The following AGBL4 variants were observed in gnomAD, a reference collection of about 807,000 sequenced individuals.
AGBL4 encodes cytosolic carboxypeptidase 6.
Under a neutral mutation model 66.4 loss-of-function variants are expected in AGBL4, and 58 were observed. That is an observed-to-expected ratio of 0.87 (90% CI 0.71 to 1.09). The LOEUF (loss-of-function observed/expected upper bound fraction) is 1.09. Ranked by LOEUF, AGBL4 falls within the 50% of genes least tolerant of loss-of-function variation. The probability of loss-of-function intolerance (pLI) is 0.00; values close to 1 mark genes in which losing one functional copy is unlikely to be tolerated. For synonymous variants in AGBL4, 234 were observed against 222.9 expected, an observed-to-expected ratio of 1.05 and a Z score of -0.44; for missense variants, 579 against 631.0, an observed-to-expected ratio of 0.92 and a Z score of 0.88.
chr1:49,521,879 G>A (rs1650290894), intron 3 of AGBL4, among the ~76,000 whole-genome samples: 1 of 150,418 alleles, frequency 6.6e-6, no homozygotes. Context: ...ACAACCCATA[G>A]AATGAGAACA....
intron 4 of AGBL4, chr1:49,174,884 T>C (rs976251930): frequency 6.6e-6 from 1 of 151,954 alleles, no homozygotes; most frequent in East Asian, 1.9e-4. Flanking sequence ...ACCATGCCCA[T>C]TAACTGAGGA....
chr1:49,305,786 G>A (rs1644838659), intron 3 of AGBL4, among the ~76,000 whole-genome samples: 2 of 151,940 alleles, frequency 1.3e-5, no homozygotes, highest in African/African-American at 2.4e-5. Context: ...CACCTCCTGG[G>A]TTCAAGCAAT....
At chr1:49,558,399 G>A (rs1571031015) in intron 3 of AGBL4, among the ~76,000 whole-genome samples, 2 of 152,130 alleles carry the variant, frequency 1.3e-5, no homozygotes, top group Non-Finnish European at 2.9e-5. Context: ...CTGGAGTGCA[G>A]TGGTGCGATC....
chr1:49,367,370 C>T (rs1644259653), intron 3 of AGBL4, among the ~76,000 whole-genome samples: 1 of 152,210 alleles, frequency 6.6e-6, no homozygotes, highest in African/African-American at 2.4e-5. Flanking sequence ...TCCCCTCTCT[C>T]TTGCTCCCTC....
intron 5 of AGBL4, among the ~76,000 whole-genome samples, chr1:49,005,695 G>A (rs1190665703): frequency 6.6e-6 from 1 of 152,110 alleles, no homozygotes; most frequent in Non-Finnish European, 1.5e-5. Context: ...ATAGGATTTT[G>A]TACTATCTAT....
At chr1:49,481,063 C>A (rs1432254928) in intron 3 of AGBL4, among the ~76,000 whole-genome samples, 1 of 151,892 alleles carries the variant, frequency 6.6e-6, no homozygotes, top group African/African-American at 2.4e-5. Flanking sequence ...AGGCAGGTAG[C>A]GTGATGCCTC....
chr1:49,045,345 T>C (rs971000627), intron 5 of AGBL4, among the ~76,000 whole-genome samples: 3 of 152,220 alleles, frequency 2.0e-5, no homozygotes, highest in African/African-American at 7.2e-5. Flanking sequence ...CTGTCTCATA[T>C]CTTATTCTGT....
chr1:49,525,867 C>T (rs1650616166), intron 3 of AGBL4, among the ~76,000 whole-genome samples: 1 of 151,836 alleles, frequency 6.6e-6, no homozygotes, highest in African/African-American at 2.4e-5. Context: ...GCGGGTGGGT[C>T]AGGAGGTCAG....
intron 1 of AGBL4, among the ~76,000 whole-genome samples, chr1:49,900,621 T>C (rs1458040739): frequency 6.6e-6 from 1 of 152,162 alleles, no homozygotes; most frequent in East Asian, 1.9e-4. Context: ...ATACCTGAGA[T>C]GAAGCAAATA....
chr1:48,872,842 C>T (rs1648820157), intron 5 of AGBL4, among the ~76,000 whole-genome samples: 1 of 152,126 alleles, frequency 6.6e-6, no homozygotes, highest in Non-Finnish European at 1.5e-5. Flanking sequence ...CGCCAACCCC[C>T]AGGGGCCTAA....
At chr1:49,529,445 C>T (rs1650923276) in intron 3 of AGBL4, among the ~76,000 whole-genome samples, 4 of 151,954 alleles carry the variant, frequency 2.6e-5, no homozygotes, top group South Asian at 4.1e-4. Context: ...TTTGGGAGGC[C>T]GAGCAGGCAG....
intron 4 of AGBL4, among the ~76,000 whole-genome samples, chr1:49,105,719 A>G (rs1645280387): frequency 6.6e-6 from 1 of 152,162 alleles, no homozygotes; most frequent in East Asian, 1.9e-4. Flanking sequence ...TTATCTGCAA[A>G]ATGAAGTAAT....
intron 3 of AGBL4, among the ~76,000 whole-genome samples, chr1:49,308,923 T>C (rs534912125): frequency 6.6e-6 from 1 of 152,288 alleles, no homozygotes; most frequent in South Asian, 2.1e-4. Flanking sequence ...ACAGATTGCA[T>C]CCAGGTTATA....
chr1:48,550,406 C>T (rs1181086188), intron 11 of AGBL4, among the ~76,000 whole-genome samples: 2 of 152,062 alleles, frequency 1.3e-5, no homozygotes, highest in Admixed American at 1.3e-4. Flanking sequence ...CATCTCTGCC[C>T]CCATGGTCAC....
At chr1:48,755,951 G>A (rs1403213683) in intron 6 of AGBL4, among the ~76,000 whole-genome samples, 1 of 152,204 alleles carries the variant, frequency 6.6e-6, no homozygotes, top group Non-Finnish European at 1.5e-5. Flanking sequence ...AGGCAGAGAA[G>A]TTAGTTAACC....
At chr1:49,607,539 T>C (rs1338628256) in intron 3 of AGBL4, among the ~76,000 whole-genome samples, 1 of 152,160 alleles carries the variant, frequency 6.6e-6, no homozygotes, top group African/African-American at 2.4e-5. Context: ...ATTGGAGGTT[T>C]GCCTCTTCTA....
At chr1:49,018,298 C>T (rs1018367544) in intron 5 of AGBL4, among the ~76,000 whole-genome samples, 1 of 152,118 alleles carries the variant, frequency 6.6e-6, no homozygotes, top group Non-Finnish European at 1.5e-5. Context: ...CACATCCTTA[C>T]ATACCAGTGG....
chr1:49,779,807 C>A (rs1313558456), intron 2 of AGBL4, among the ~76,000 whole-genome samples: 1 of 152,002 alleles, frequency 6.6e-6, no homozygotes, highest in Non-Finnish European at 1.5e-5. Flanking sequence ...TGGCCTGGAC[C>A]CTGACTCCTC....
chr1:49,101,382 T>G (rs1462750027), intron 4 of AGBL4, among the ~76,000 whole-genome samples: 1 of 152,112 alleles, frequency 6.6e-6, no homozygotes, highest in African/African-American at 2.4e-5. Flanking sequence ...GAGGCAAGGT[T>G]TCGCCATGTT....
Sources: gnomAD v4.1 joint callset for allele counts (sites outside exome capture counted in the v4.1 genomes callset) on GRCh38, gnomAD v4.1.1 for gene constraint, MANE v1.5 for transcripts, NCBI Gene and HGNC (gene_info 2026-07-23, HGNC 2026-07-21) for gene names.